The following BNC2 variants were observed in gnomAD, a reference collection of about 807,000 sequenced individuals.
BNC2 encodes the protein zinc finger protein basonuclin-2.
A neutral mutation model predicts 76.3 loss-of-function variants in BNC2; 20 were observed. The ratio of observed to expected loss-of-function variants is 0.26; its 90% confidence interval spans 0.18 to 0.38. BNC2 has a LOEUF of 0.38. BNC2 is among the 10% of genes least tolerant of loss of function. BNC2 has a pLI of 1.00. For synonymous variants in BNC2, 582 were observed against 514.8 expected (o/e 1.13, Z -1.77); for missense variants, 1,382 against 1,399.8 (o/e 0.99, Z 0.20).
At position 16,492,050 on chromosome 9, in the gene BNC2, A is replaced by G. The variant is rs185321740; in HGVS notation, c.670-54526T>C. Among the ~76,000 whole-genome samples, 92 of 152,338 alleles carry G rather than the reference A, an allele frequency of 6.0e-4. 1 individual carries two copies. Among genetic ancestry groups the G allele is most frequent in the African/African-American group, 2.0e-3 (85 of 41,576 alleles). ...TATCATTTAATGAAATATTATAAAA[A>G]CCAGTGAAATACGATTGTAAAATAA... On this transcript the variant is annotated intron_variant, in intron 5 of 6. Transcript: ENST00000380672.
intron 3 of BNC2, among the ~76,000 whole-genome samples, chr9:16,627,068 G>A (rs535612402): frequency 9.1e-4 from 139 of 152,210 alleles, no homozygotes; most frequent in Non-Finnish European, 1.7e-3. Flanking sequence ...GCCCCTGAGC[G>A]CATTCCTTTA....
At chr9:16,638,969 A>T (rs912533477) in intron 3 of BNC2, among the ~76,000 whole-genome samples, 1 of 152,186 alleles carries the variant, frequency 6.6e-6, no homozygotes, top group African/African-American at 2.4e-5. Context: ...TAGCAATGTA[A>T]TGTAAGAATA....
intron 3 of BNC2, among the ~76,000 whole-genome samples, chr9:16,683,974 C>G (rs922926608): frequency 2.4e-4 from 36 of 152,290 alleles, no homozygotes; most frequent in African/African-American, 7.9e-4. Flanking sequence ...AAGGTCCTTT[C>G]TGAACTATCA....
intron 3 of BNC2, among the ~76,000 whole-genome samples, chr9:16,686,719 C>T (rs1822988961): frequency 6.6e-6 from 1 of 152,096 alleles, no homozygotes; most frequent in Admixed American, 6.6e-5. Flanking sequence ...TTCTTTTCAC[C>T]CAAAAATCAG....
intron 5 of BNC2, among the ~76,000 whole-genome samples, chr9:16,454,145 T>G (rs1821398020): frequency 6.6e-6 from 1 of 152,210 alleles, no homozygotes; most frequent in Non-Finnish European, 1.5e-5. Context: ...TTTTTGTGTT[T>G]TTTTAATCAC....
chr9:16,666,494 G>T (rs1356002210), intron 3 of BNC2, among the ~76,000 whole-genome samples: 1 of 152,186 alleles, frequency 6.6e-6, no homozygotes, highest in Non-Finnish European at 1.5e-5. Flanking sequence ...CGCACAGAAA[G>T]GTTACCGACC....
intron 5 of BNC2, among the ~76,000 whole-genome samples, chr9:16,470,925 C>T (rs1821809859): frequency 6.6e-6 from 1 of 152,182 alleles, no homozygotes; most frequent in South Asian, 2.1e-4. Context: ...GAGAAGAGGG[C>T]CACCGACCTT....
intron 5 of BNC2, among the ~76,000 whole-genome samples, chr9:16,464,147 A>T (rs972725409): frequency 2.0e-5 from 3 of 151,318 alleles, no homozygotes; most frequent in African/African-American, 7.3e-5. Context: ...TTAAAATGGG[A>T]GGAGCTAGTA....
intron 5 of BNC2, among the ~76,000 whole-genome samples, chr9:16,536,068 C>T (rs1242451659): frequency 1.3e-5 from 2 of 152,118 alleles, no homozygotes; most frequent in Non-Finnish European, 2.9e-5. Context: ...ATATGCCCAG[C>T]TGACCCACAG....
chr9:16,619,326 T>TAAAAACA (rs146348026), intron 3 of BNC2, among the ~76,000 whole-genome samples: 9 of 146,616 alleles, frequency 6.1e-5, no homozygotes, highest in Non-Finnish European at 1.5e-5. Flanking sequence ...TAGTTTTCTT[T>TAAAAACA]AAAAACAAAA....
chr9:16,840,359 G>A (rs1818797240), intron 1 of BNC2, among the ~76,000 whole-genome samples: 1 of 152,188 alleles, frequency 6.6e-6, no homozygotes, highest in African/African-American at 2.4e-5. Context: ...TAAAAGGGGA[G>A]AGAACTTACT....
intron 1 of BNC2, among the ~76,000 whole-genome samples, chr9:16,860,123 A>G (rs1483058687): frequency 6.7e-6 from 1 of 148,242 alleles, no homozygotes; most frequent in African/African-American, 2.4e-5. Context: ...CTCCATCTCA[A>G]AAAAAAAAAA....
chr9:16,589,927 C>T (rs1165796073), intron 3 of BNC2, among the ~76,000 whole-genome samples: 1 of 151,900 alleles, frequency 6.6e-6, no homozygotes, highest in Non-Finnish European at 1.5e-5. Flanking sequence ...AGTACATGAC[C>T]TACATTAATA....
chr9:16,423,118 A>G (rs1216543295), intron 6 of BNC2, among the ~76,000 whole-genome samples: 1 of 152,218 alleles, frequency 6.6e-6, no homozygotes, highest in Non-Finnish European at 1.5e-5. Flanking sequence ...GTATGTAACA[A>G]TTGGAACAAA....
At chr9:16,516,227 T>C (rs1466851669) in intron 5 of BNC2, among the ~76,000 whole-genome samples, 3 of 152,184 alleles carry the variant, frequency 2.0e-5, no homozygotes, top group African/African-American at 7.2e-5. Flanking sequence ...CTTTGTGTTG[T>C]TCTTGGTTTG....
At chr9:16,586,046 G>A (rs571266877) in intron 3 of BNC2, among the ~76,000 whole-genome samples, 51 of 152,254 alleles carry the variant, frequency 3.3e-4, no homozygotes, top group African/African-American at 1.2e-3. Context: ...AAGGGTGCCA[G>A]GGTGCCTTGT....
At chr9:16,785,107 T>G (rs1475341949) in intron 1 of BNC2, among the ~76,000 whole-genome samples, 1 of 152,188 alleles carries the variant, frequency 6.6e-6, no homozygotes, top group Non-Finnish European at 1.5e-5. Flanking sequence ...TGTTTGCACT[T>G]TGTAGAAAAG....
chr9:16,738,354 A>G lies in BNC2; in HGVS notation c.129+6T>C, dbSNP rs1439674031. Reference sequence around the variant, plus strand: ...ACTTAAAGGGGGAAAAAAAAAACCAACATACCTCAATTTGAGATGTATCAA... The same window carrying G: ...ACTTAAAGGGGGAAAAAAAAAACCAGCATACCTCAATTTGAGATGTATCAA... On this transcript the variant is annotated splice_donor_region_variant and intron_variant, in intron 2 of 6. Coordinates refer to ENST00000380672, the MANE Select transcript of BNC2 (RefSeq NM_017637.6). The G allele has an allele frequency of 6.2e-7, 1 of 1,613,406 alleles. No individual in the cohort carries two copies. The highest frequency in any genetic ancestry group is 8.5e-7 in the Non-Finnish European group (1 of 1,179,788).
intron 3 of BNC2, among the ~76,000 whole-genome samples, chr9:16,658,974 A>G (rs184779519): frequency 1.3e-5 from 2 of 152,314 alleles, no homozygotes; most frequent in East Asian, 1.9e-4. Flanking sequence ...TACACAAACC[A>G]TTGATCATCG....
Sources: gnomAD v4.1 joint callset for allele counts (sites outside exome capture counted in the v4.1 genomes callset) on GRCh38, gnomAD v4.1.1 for gene constraint, MANE v1.5 for transcripts, NCBI Gene and HGNC (gene_info 2026-07-23, HGNC 2026-07-21) for gene names.